Variants in GRAMD4 observed in about 807,000 individuals in gnomAD.
The protein encoded by GRAMD4 is GRAM domain-containing protein 4.
GRAMD4 carries 25 observed loss-of-function variants against 83.9 expected under a neutral mutation model. That is an observed-to-expected ratio of 0.30 (90% CI 0.22 to 0.42). The LOEUF (loss-of-function observed/expected upper bound fraction) is 0.42, where lower values mean the gene tolerates loss of function less well. Ranked by LOEUF, GRAMD4 falls within the 10% of genes least tolerant of loss-of-function variation. The probability of loss-of-function intolerance (pLI) is 1.00; values close to 1 mark genes in which losing one functional copy is unlikely to be tolerated. For missense variants in GRAMD4, 593 were observed against 788.7 expected (o/e 0.75, Z 2.97); for synonymous variants, 336 against 320.9 (o/e 1.05, Z -0.50).
At chr22:46,641,668 G>C (rs1280128424) in intron 3 of GRAMD4, among the ~76,000 whole-genome samples, 5 of 152,284 alleles carry the variant, frequency 3.3e-5, no homozygotes, top group African/African-American at 1.2e-4. Flanking sequence ...GGCGGGGTTG[G>C]GTGACCCTCG....
At chr22:46,585,354 C>A (rs1345810001) in intron 1 of GRAMD4, among the ~76,000 whole-genome samples, 1 of 152,154 alleles carries the variant, frequency 6.6e-6, no homozygotes, top group Middle Eastern at 3.2e-3. Flanking sequence ...CAACGCCCAG[C>A]TAATTTTGTA....
intron 3 of GRAMD4, among the ~76,000 whole-genome samples, chr22:46,657,680 C>T (rs751103935): frequency 1.1e-4 from 17 of 152,348 alleles, no homozygotes; most frequent in African/African-American, 2.9e-4. Flanking sequence ...CAGCCTGCCC[C>T]GTGCTCTTCT....
At chr22:46,595,836 G>C (rs1372805092) in intron 1 of GRAMD4, among the ~76,000 whole-genome samples, 1 of 152,246 alleles carries the variant, frequency 6.6e-6, no homozygotes, top group East Asian at 1.9e-4. Context: ...GACTTGTCCA[G>C]ATCCCCGGCC....
chr22:46,626,696 G>T, intron 1 of GRAMD4, 55 bp from the exon 2 acceptor site: 1 of 1,166,578 alleles, frequency 8.6e-7, no homozygotes. Flanking sequence ...GTGGGAGCTG[G>T]CTCGTGGGGC....
chr22:46,592,804 C>A (rs1437605636), intron 1 of GRAMD4, among the ~76,000 whole-genome samples: 1 of 152,172 alleles, frequency 6.6e-6, no homozygotes, highest in Non-Finnish European at 1.5e-5. Context: ...GGCTGCCTGC[C>A]TTGCTTTCAG....
At chr22:46,592,142 G>C (rs1218155696) in intron 1 of GRAMD4, among the ~76,000 whole-genome samples, 1 of 152,206 alleles carries the variant, frequency 6.6e-6, no homozygotes, top group Non-Finnish European at 1.5e-5. Context: ...GCTCAGGTTA[G>C]GTGGTGCCAT....
chr22:46,666,891 G>A lies in GRAMD4; in HGVS notation c.858+18G>A, dbSNP rs757052745. ...AGCCCGTGGTAAGTCCCTGGAGGGT[G>A]CACGGTCTCCTCCGACTGTCTCCAT... On this transcript the variant is annotated intron_variant, in intron 10 of 18. Coordinates refer to ENST00000406902, the MANE Select transcript of GRAMD4 (RefSeq NM_015124.5). 10 of 1,543,414 alleles carry A rather than the reference G, an allele frequency of 6.5e-6. No homozygotes were observed. In the South Asian group the frequency reaches 8.4e-5, roughly 13 times the overall value.
At chr22:46,665,853 C>G in intron 9 of GRAMD4, 147 bp downstream of exon 9, 1 of 601,444 alleles carries the variant, frequency 1.7e-6, no homozygotes, top group Non-Finnish European at 3.0e-6. Context: ...AGAGACCCCC[C>G]AGGCAGGGCG....
intron 3 of GRAMD4, among the ~76,000 whole-genome samples, chr22:46,647,534 C>T (rs1190797487): frequency 6.6e-6 from 1 of 152,220 alleles, no homozygotes; most frequent in Non-Finnish European, 1.5e-5. Context: ...CCCCCAGGGG[C>T]TGGGATGAAG....
rs1385979974 is a variant in GRAMD4 at position 46,626,971 on chromosome 22, T to C, written c.162+10T>C. 4 of 1,599,908 alleles carry C rather than the reference T, an allele frequency of 2.5e-6. No individual in the cohort carries two copies. The highest frequency in any genetic ancestry group is 3.4e-6 in the Non-Finnish European group (4 of 1,167,598). On this transcript the variant is annotated intron_variant, in intron 2 of 18. Coordinates refer to ENST00000406902, the MANE Select transcript of GRAMD4 (RefSeq NM_015124.5). The stretch of plus-strand genomic sequence containing the variant: ...GGAGCTGAGGGACCCTGTGAGTACC[T>C]GTCCTCGTCCCCCGGTGTGGGCTGG...
upstream of GRAMD4, among the ~76,000 whole-genome samples, chr22:46,617,811 T>C (rs908024098): frequency 1.3e-5 from 2 of 152,172 alleles, no homozygotes; most frequent in African/African-American, 4.8e-5. Flanking sequence ...TGCAGAAGGC[T>C]CAGCTCCCCA....
Position 46,677,730 on chromosome 22 carries a change from A to C in GRAMD4, c.*479A>C. The C allele has an allele frequency of 3.1e-6, 3 of 979,510 alleles. No homozygotes were observed. Among genetic ancestry groups the C allele is most frequent in the Non-Finnish European group, 3.6e-6 (3 of 827,628 alleles). The allele number at this position is 979,510 out of a possible 1,614,324, so 60.7% of individuals were successfully genotyped here. Reference sequence around the variant, plus strand: ...CAGAAAGATGTCGTCAAGGAGGGACATGGGGGCCTTTCACCAACCACCGAG... The same window carrying C: ...CAGAAAGATGTCGTCAAGGAGGGACCTGGGGGCCTTTCACCAACCACCGAG... On this transcript the variant is annotated 3_prime_UTR_variant, in exon 19 of 19. Coordinates refer to ENST00000406902, the MANE Select transcript of GRAMD4 (RefSeq NM_015124.5).
intron 4 of GRAMD4, among the ~76,000 whole-genome samples, chr22:46,660,567 A>T (rs1206263153): frequency 1.3e-5 from 2 of 152,048 alleles, no homozygotes; most frequent in African/African-American, 4.8e-5. Flanking sequence ...GTTTATGCAA[A>T]CCTCTATTTT....
intron 3 of GRAMD4, among the ~76,000 whole-genome samples, chr22:46,644,854 T>C (rs896566944): frequency 2.0e-5 from 3 of 148,746 alleles, no homozygotes; most frequent in African/African-American, 7.4e-5. Context: ...CACCTCAGCT[T>C]CCTGAGTAGC....
At chr22:46,600,429 C>T (rs1020427635) in intron 1 of GRAMD4, among the ~76,000 whole-genome samples, 11 of 152,210 alleles carry the variant, frequency 7.2e-5, no homozygotes, top group African/African-American at 2.7e-4. Flanking sequence ...CTTTTTCACC[C>T]TCCACGCCTC....
intron 1 of GRAMD4, among the ~76,000 whole-genome samples, chr22:46,581,342 A>G (rs5768982): frequency 0.26 from 39,081 of 152,172 alleles, 5,821 homozygotes; most frequent in East Asian, 0.65. Flanking sequence ...CAGAGCACAC[A>G]GCTTCACCCC....
chr22:46,653,348 C>T (rs542639987), intron 3 of GRAMD4, among the ~76,000 whole-genome samples: 15 of 152,296 alleles, frequency 9.8e-5, no homozygotes, highest in Non-Finnish European at 2.2e-4. Context: ...CGGGCTCTGG[C>T]GTTCACATTT....
chr22:46,679,403 G>A lies in GRAMD4; in HGVS notation c.*2152G>A, dbSNP rs2082644563. The A allele has an allele frequency of 6.1e-6, 6 of 985,454 alleles. No individual in the cohort carries two copies. Among genetic ancestry groups the A allele is most frequent in the East Asian group, 1.1e-4 (1 of 8,806 alleles). 61.0% of individuals were successfully genotyped at this position (985,454 alleles called of 1,614,324 possible). A position where few individuals can be genotyped will look rare whatever the true frequency, so the allele number is the denominator to read the frequency against. On this transcript the variant is annotated 3_prime_UTR_variant, in exon 19 of 19. Transcript: ENST00000406902. Reference sequence around the variant, plus strand: ...AGCGGGGGGTCGGGGGAGGGCCACCGACTGGCTCTGCTGCCAGCACAGGCC... The same window carrying A: ...AGCGGGGGGTCGGGGGAGGGCCACCAACTGGCTCTGCTGCCAGCACAGGCC...
upstream of GRAMD4, among the ~76,000 whole-genome samples, chr22:46,615,754 A>G (rs1476332565): frequency 7.8e-4 from 6 of 7,660 alleles, no homozygotes; most frequent in African/African-American, 2.2e-3. Context: ...CTGTGCGTGT[A>G]GGTTCCCCCT....
Sources: allele counts gnomAD v4.1 joint callset (sites outside exome capture counted in the v4.1 genomes callset), GRCh38; gene constraint gnomAD v4.1.1; transcripts MANE v1.5; gene names NCBI Gene and HGNC (gene_info 2026-07-23, HGNC 2026-07-21).